ANKRD17: variants seen among roughly 807,000 people sequenced by gnomAD.
The protein encoded by ANKRD17 is ankyrin repeat domain-containing protein 17.
A neutral mutation model predicts 229.7 loss-of-function variants in ANKRD17; 19 were observed. That is an observed-to-expected ratio of 0.08 (90% confidence interval 0.06 to 0.12). ANKRD17 has a LOEUF of 0.12. Ranked by LOEUF, ANKRD17 falls within the 10% of genes least tolerant of loss-of-function variation. The pLI is 1.00. For synonymous variants in ANKRD17, 1,112 were observed against 1,146.1 expected (o/e 0.97, Z 0.60); for missense variants, 2,176 against 3,176.8 (o/e 0.68, Z 7.57).
In ANKRD17 at chr4:73,098,215, T is replaced by C; in HGVS notation, c.4879A>G (p.Ser1627Gly). Residue 1627 changes from serine (S) to glycine (G), a missense_variant, in exon 26 of 34, where the codon AGT (serine) becomes GGT (glycine). By Grantham distance (56) the Ser-to-Gly change is moderately conservative. Transcript: ENST00000358602. ...CTCTTACGACTGCTGTTGCTGTTAC[T>C]ACTTTCATCGCTGCAGCTGGAAATC... ...MRISSCSDES[S>G]NSNSSRKSDN... 1 of 1,614,228 alleles carries C rather than the reference T, an allele frequency of 6.2e-7. No individual in the cohort carries two copies. The highest frequency in any genetic ancestry group is 1.1e-5 in the South Asian group (1 of 91,086).
chr4:73,168,048 G>A (rs532656582), intron 2 of ANKRD17, among the ~76,000 whole-genome samples: 1 of 152,200 alleles, frequency 6.6e-6, no homozygotes, highest in South Asian at 2.1e-4. Context: ...GCTACAGCAG[G>A]AGGCTGAAGC....
chr4:73,102,575 T>C (rs1305073440), intron 24 of ANKRD17, 28 bp from the exon 25 acceptor site: 2 of 1,579,552 alleles, frequency 1.3e-6, no homozygotes, highest in Admixed American at 2.1e-5. Flanking sequence ...AGCAGAAATA[T>C]AACGTTGAAA....
At chr4:73,118,588 G>T in intron 22 of ANKRD17, 100 bp downstream of exon 22, 1 of 1,331,698 alleles carries the variant, frequency 7.5e-7, no homozygotes, top group Non-Finnish European at 1.0e-6. Context: ...TTTCATCACA[G>T]CTGCAAAAGC....
chr4:73,213,291 G>T (rs145253148), intron 1 of ANKRD17, among the ~76,000 whole-genome samples: 67 of 152,312 alleles, frequency 4.4e-4, no homozygotes, highest in African/African-American at 1.5e-3. Flanking sequence ...AGGTCAAGAA[G>T]TGAGAAGGTC....
chr4:73,140,361 G>A, intron 14 of ANKRD17, 78 bp from the exon 15 acceptor site: 1 of 1,455,070 alleles, frequency 6.9e-7, no homozygotes, highest in Non-Finnish European at 9.1e-7. Flanking sequence ...GAGGTTTAGT[G>A]CCAACAGTTA....
At chr4:73,080,397 AAT>A (rs1721443390) in intron 30 of ANKRD17, among the ~76,000 whole-genome samples, 1 of 152,232 alleles carries the variant, frequency 6.6e-6, no homozygotes, top group Admixed American at 6.5e-5. Context: ...AAACGGAAAC[AAT>A]ATGACAAAAC....
rs755117627 is a variant in ANKRD17, at chr4:73,098,335, C to G, written c.4759G>C (p.Asp1587His). The G allele has an allele frequency of 1.2e-6, 2 of 1,614,178 alleles. No individual in the cohort carries two copies. Among genetic ancestry groups the G allele is most frequent in the Admixed American group, 3.3e-5 (2 of 60,016 alleles). ...TPENVQIIFD[D>H]PLPISYSQPE... Reference sequence around the variant, plus strand: ...TGACTGTATGAAATTGGTAGTGGATCATCAAATATAATTTGAACGTTTTCT... The same window carrying G: ...TGACTGTATGAAATTGGTAGTGGATGATCAAATATAATTTGAACGTTTTCT... Residue 1587 changes from aspartate (D) to histidine (H), a missense_variant, in exon 26 of 34, where the codon GAT (aspartate) becomes CAT (histidine). Physicochemically the swap from Asp to His is moderately conservative, Grantham distance 81. Transcript: ENST00000358602.
intron 2 of ANKRD17, among the ~76,000 whole-genome samples, chr4:73,173,169 A>G (rs1436186093): frequency 6.6e-6 from 1 of 152,240 alleles, no homozygotes; most frequent in Non-Finnish European, 1.5e-5. Context: ...CTATACTTAC[A>G]TTGCACAAAA....
At chr4:73,211,087 A>G (rs1236046550) in intron 1 of ANKRD17, among the ~76,000 whole-genome samples, 2 of 152,116 alleles carry the variant, frequency 1.3e-5, no homozygotes, top group Non-Finnish European at 2.9e-5. Flanking sequence ...TAACTTAAAG[A>G]GTCAGGGTCG....
intron 1 of ANKRD17, among the ~76,000 whole-genome samples, chr4:73,199,890 T>C (rs941978304): frequency 6.6e-6 from 1 of 152,184 alleles, no homozygotes; most frequent in Non-Finnish European, 1.5e-5. Context: ...TAGAAAGACA[T>C]TAAATGCTAA....
chr4:73,175,562 A>G (rs533722521), intron 2 of ANKRD17, among the ~76,000 whole-genome samples: 2 of 152,270 alleles, frequency 1.3e-5, no homozygotes, highest in South Asian at 2.1e-4. Context: ...ATTATACTAC[A>G]GAGTTATAGT....
intron 1 of ANKRD17, among the ~76,000 whole-genome samples, chr4:73,187,031 C>T (rs893415314): frequency 6.6e-6 from 1 of 152,082 alleles, no homozygotes; most frequent in African/African-American, 2.4e-5. Flanking sequence ...TTTCAAACTT[C>T]TAAGGATATA....
At chr4:73,238,255 G>A (rs1743686360) in intron 1 of ANKRD17, among the ~76,000 whole-genome samples, 1 of 152,016 alleles carries the variant, frequency 6.6e-6, no homozygotes, top group South Asian at 2.1e-4. Flanking sequence ...AGTATTACCA[G>A]GCCCCTTTTA....
At position 73,092,165 on chromosome 4, in the gene ANKRD17, T is replaced by C. The variant is rs757923812; in HGVS notation, c.5463A>G (p.Ser1821=). 8.7e-6 allele frequency: 14 copies of C among 1,614,206 alleles called. No individual in the cohort carries two copies. In the South Asian group the frequency reaches 1.5e-4, roughly 18 times the overall value. The part of the protein sequence containing the change: ...SSSANSKIGS[S]APTTTAANTS... ...TGTTAGCAGCAGTGGTGGTAGGTGC[T>C]GATGACCCTATTTTGGAATTTGCTG... The change falls in exon 29 of 34, where the codon TCA becomes TCG. Residue 1821 remains serine, a synonymous_variant. Transcript: ENST00000358602.
At position 73,113,782 on chromosome 4, in the gene ANKRD17, T is replaced by C. The variant is rs745713850; in HGVS notation, c.4401+10A>G. On this transcript the variant is annotated intron_variant, in intron 24 of 33. Coordinates refer to ENST00000358602, the MANE Select transcript of ANKRD17 (RefSeq NM_032217.5). ...AGTGGGTAGTTTTCATGTGTAAAGA[T>C]TATTGTTACCTTTTCCAAGTCTAAC... is the stretch of plus-strand genomic sequence containing the variant. 2 of 1,599,502 alleles carry C rather than the reference T, an allele frequency of 1.3e-6. No homozygotes were observed. Among genetic ancestry groups the C allele is most frequent in the Non-Finnish European group, 8.6e-7 (1 of 1,167,310 alleles).
At chr4:73,101,907 C>T (rs182003792) in intron 25 of ANKRD17, among the ~76,000 whole-genome samples, 1 of 151,156 alleles carries the variant, frequency 6.6e-6, no homozygotes, top group Admixed American at 6.6e-5. Context: ...GGAATTCAGT[C>T]AACAAAAAAA....
At chr4:73,118,596 AG>A in intron 22 of ANKRD17, 91 bp downstream of exon 22, 1 of 1,420,752 alleles carries the variant, frequency 7.0e-7, no homozygotes, top group South Asian at 1.3e-5. Context: ...CAGCTGCAAA[AG>A]CACAAAATGA....
chr4:73,099,227 G>A lies in ANKRD17; in HGVS notation c.4574-707C>T, dbSNP rs1406956368. On this transcript the variant is annotated intron_variant, in intron 25 of 33. Coordinates refer to ENST00000358602, the MANE Select transcript of ANKRD17 (RefSeq NM_032217.5). ...CTTTTGCTCCGCTCCCACCGCCCCCGCCCCTTTCCCAGGCTCACCATCACC... is the reference window on the plus strand; with the variant it reads ...CTTTTGCTCCGCTCCCACCGCCCCCACCCCTTTCCCAGGCTCACCATCACC... 6.2e-5 allele frequency: 33 copies of A among 534,380 alleles called. 1 individual carries two copies. The highest frequency in any genetic ancestry group is 1.0e-4 in the Non-Finnish European group (29 of 279,238). 33.1% of individuals were successfully genotyped at this position (534,380 alleles called of 1,614,324 possible).
chr4:73,240,666 T>TC (rs914399153), intron 1 of ANKRD17, among the ~76,000 whole-genome samples: 5 of 152,064 alleles, frequency 3.3e-5, no homozygotes. Context: ...CTGACTTGAT[T>TC]AAGTGGAAAA....
Sources: allele counts gnomAD v4.1 joint callset (sites outside exome capture counted in the v4.1 genomes callset), GRCh38; gene constraint gnomAD v4.1.1; transcripts MANE v1.5; gene names NCBI Gene and HGNC (gene_info 2026-07-23, HGNC 2026-07-21).